RPL22: variants seen among roughly 807,000 people sequenced by gnomAD.
RPL22 encodes large ribosomal subunit protein eL22.
RPL22 carries 4 observed loss-of-function variants against 16.2 expected under a neutral mutation model. That is an observed-to-expected ratio of 0.25 (90% CI 0.12 to 0.57). The LOEUF is 0.57. RPL22 is among the 20% of genes least tolerant of loss of function. RPL22 has a pLI of 0.92. For synonymous variants in RPL22, 43 were observed against 54.8 expected (o/e 0.78, Z 0.95); for missense variants, 83 against 156.1 (o/e 0.53, Z 2.49).
At chr1:6,191,544 A>G (rs1667650943) in intron 3 of RPL22, among the ~76,000 whole-genome samples, 1 of 150,618 alleles carries the variant, frequency 6.6e-6, no homozygotes, top group Non-Finnish European at 1.5e-5. Context: ...GCGCAGTGGC[A>G]GGCGCCTGTA....
At chr1:6,190,201 G>T (rs936642074) in intron 3 of RPL22, among the ~76,000 whole-genome samples, 6 of 152,198 alleles carry the variant, frequency 3.9e-5, no homozygotes, top group African/African-American at 1.2e-4. Flanking sequence ...CAGGCCGGAC[G>T]CTTTGTACCC....
intron 3 of RPL22, among the ~76,000 whole-genome samples, chr1:6,189,610 G>GT (rs999031899): frequency 3.2e-5 from 4 of 124,760 alleles, no homozygotes; most frequent in Non-Finnish European, 6.2e-5. Flanking sequence ...AAAAAATCAG[G>GT]TTAAAAAAAA....
chr1:6,189,482 C>G (rs1667621671), intron 3 of RPL22, among the ~76,000 whole-genome samples: 1 of 151,568 alleles, frequency 6.6e-6, no homozygotes, highest in Non-Finnish European at 1.5e-5. Context: ...ACTGTTTGAG[C>G]CAGGAGATGG....
chr1:6,190,083 G>C (rs560725715), intron 3 of RPL22, among the ~76,000 whole-genome samples: 197 of 152,288 alleles, frequency 1.3e-3, no homozygotes, highest in African/African-American at 4.5e-3. Flanking sequence ...ATAAAGAACA[G>C]AAAGTTTGTG....
intron 3 of RPL22, among the ~76,000 whole-genome samples, chr1:6,188,742 T>C (rs1436372871): frequency 6.6e-6 from 1 of 151,282 alleles, no homozygotes; most frequent in Non-Finnish European, 1.5e-5. Flanking sequence ...ACTAACCATC[T>C]CTTCAGACCA....
chr1:6,191,602 G>A (rs1667651925), intron 3 of RPL22, among the ~76,000 whole-genome samples: 1 of 149,022 alleles, frequency 6.7e-6, no homozygotes, highest in African/African-American at 2.5e-5. Context: ...GTGAACCCGG[G>A]AGGCAGAGCT....
chr1:6,195,801 G>A (rs964645100), intron 2 of RPL22, among the ~76,000 whole-genome samples: 100 of 151,884 alleles, frequency 6.6e-4, no homozygotes, highest in Non-Finnish European at 1.8e-4. Context: ...AGTGGCTCAT[G>A]CCTGTAATCC....
chr1:6,185,847 T>C lies in RPL22; in HGVS notation c.*825A>G, dbSNP rs1468160742. On this transcript the variant is annotated 3_prime_UTR_variant, in exon 4 of 4. Transcript: ENST00000234875. ...CAGGGCACCTCCCACCTCCTTGGCA[T>C]GGGAGGCTTCCCAGTCACTCCTCCT... The C allele has an allele frequency of 8.7e-6, 2 of 230,644 alleles. No individual in the cohort carries two copies. Among genetic ancestry groups the C allele is most frequent in the East Asian group, 6.2e-5 (1 of 16,238 alleles). 14.3% of individuals were successfully genotyped at this position (230,644 alleles called of 1,614,324 possible).
chr1:6,186,182 G>A lies in RPL22; in HGVS notation c.*490C>T. 4.2e-6 allele frequency: 1 copy of A among 236,638 alleles called. No homozygotes were observed. The highest frequency in any genetic ancestry group is 8.3e-6 in the Non-Finnish European group (1 of 120,502). The allele number at this position is 236,638 out of a possible 1,614,324, so 14.7% of individuals were successfully genotyped here. ...TAGCAGACATAATTGTGTGCGTCAA[G>A]AGAAATTTGTAATCAAAAAATGAAA... On this transcript the variant is annotated 3_prime_UTR_variant, in exon 4 of 4. Transcript: ENST00000234875.
intron 2 of RPL22, among the ~76,000 whole-genome samples, chr1:6,194,381 A>G (rs1667689531): frequency 6.6e-6 from 1 of 152,208 alleles, no homozygotes; most frequent in Admixed American, 6.5e-5. Context: ...GTCCAGGGCC[A>G]TGTGTGGTAC....
intron 2 of RPL22, among the ~76,000 whole-genome samples, chr1:6,193,880 G>A (rs375294832): frequency 6.6e-5 from 10 of 152,160 alleles, no homozygotes; most frequent in East Asian, 5.8e-4. Flanking sequence ...ACTGGGCCTC[G>A]CCACGAAAGG....
In RPL22 at chr1:6,197,715, A is replaced by G; in HGVS notation, c.54T>C (p.Val18=). 6.2e-7 allele frequency: 1 copy of G among 1,614,022 alleles called. No homozygotes were observed. The highest frequency in any genetic ancestry group is 8.5e-7 in the Non-Finnish European group (1 of 1,179,958). ...GGGTGCAATCAAGAGTGAACTTCAG[A>G]ACTTGCTTCTTTTTTTTGCCCCCCT... ...VVKGGKKKKQ[V]LKFTLDCTHP... is the part of the protein sequence containing the mutation. Residue 18 remains valine, a synonymous_variant, in exon 2 of 4, where the codon GTT becomes GTC. Transcript: ENST00000234875.
At chr1:6,187,148 AAAT>A (rs1269754525) in intron 3 of RPL22, among the ~76,000 whole-genome samples, 1 of 152,072 alleles carries the variant, frequency 6.6e-6, no homozygotes, top group Non-Finnish European at 1.5e-5. Context: ...TCTCTACTAA[AAAT>A]AAAAAAATTA....
Position 6,199,547 on chromosome 1 carries a change from C to A in RPL22, c.12+15G>T. On this transcript the variant is annotated intron_variant, in intron 1 of 3. Coordinates refer to ENST00000234875, the MANE Select transcript of RPL22 (RefSeq NM_000983.4). ...CCTCCCCTGGAGCCGAGGCCTCACG[C>A]GGAGCCATACTAACCACAGGAGCCA... is the stretch of plus-strand genomic sequence containing the variant. 1 of 1,560,480 alleles carries A rather than the reference C, an allele frequency of 6.4e-7. No homozygotes were observed. Among genetic ancestry groups the A allele is most frequent in the Non-Finnish European group, 8.7e-7 (1 of 1,152,412 alleles).
intron 2 of RPL22, 72 bp downstream of exon 2, chr1:6,197,580 C>T (rs894061132): frequency 4.1e-6 from 4 of 964,032 alleles, no homozygotes; most frequent in South Asian, 2.7e-5. Flanking sequence ...CAGAAATGTA[C>T]CCCAGTAGGT....
Position 6,186,360 on chromosome 1 carries a change from C to G in RPL22, c.*312G>C, listed in dbSNP as rs1667581732. 3.4e-6 allele frequency: 1 copy of G among 294,114 alleles called. No homozygotes were observed. Among genetic ancestry groups the G allele is most frequent in the Non-Finnish European group, 6.3e-6 (1 of 157,782 alleles). The allele number at this position is 294,114 out of a possible 1,614,324, so 18.2% of individuals were successfully genotyped here. Reference sequence around the variant, plus strand: ...AAGCAACAGATACAACTGACAGTCACACTTTTTAAAATCAAACAGTCACTA... The same window carrying G: ...AAGCAACAGATACAACTGACAGTCAGACTTTTTAAAATCAAACAGTCACTA... On this transcript the variant is annotated 3_prime_UTR_variant, in exon 4 of 4. Transcript: ENST00000234875.
Position 6,185,545 on chromosome 1 carries a change from G to A in RPL22, c.*1127C>T, listed in dbSNP as rs898354376. 5.3e-5 allele frequency: 21 copies of A among 395,114 alleles called. No homozygotes were observed. Among genetic ancestry groups the A allele is most frequent in the Non-Finnish European group, 8.5e-5 (19 of 224,110 alleles). 24.5% of individuals were successfully genotyped at this position (395,114 alleles called of 1,614,324 possible). On this transcript the variant is annotated 3_prime_UTR_variant, in exon 4 of 4. Transcript: ENST00000234875. ...CATTGAACTTCCAGCTATGCAACTC[G>A]CAGGGCACAATTTCAAGTGTGGAAA...
At chr1:6,194,089 CCAGCTACT>C (rs2100905853) in intron 2 of RPL22, among the ~76,000 whole-genome samples, 1 of 152,218 alleles carries the variant, frequency 6.6e-6, no homozygotes, top group African/African-American at 2.4e-5. Context: ...GCCTGTAGTC[CCAGCTACT>C]CAGGAGGCTG....
rs1240181168 is a variant in RPL22, at chr1:6,186,328, T to C, written c.*344A>G. 15 of 267,440 alleles carry C rather than the reference T, an allele frequency of 5.6e-5. No homozygotes were observed. Among genetic ancestry groups the C allele is most frequent in the Non-Finnish European group, 8.5e-5 (12 of 141,122 alleles). 16.6% of individuals were successfully genotyped at this position (267,440 alleles called of 1,614,324 possible). ...GAAGCCCATTTGTATCCCTGAATCA[T>C]TGAGAAAAGCAACAGATACAACTGA... On this transcript the variant is annotated 3_prime_UTR_variant, in exon 4 of 4. Transcript: ENST00000234875.
Sources: gnomAD v4.1 joint callset for allele counts (sites outside exome capture counted in the v4.1 genomes callset) on GRCh38, gnomAD v4.1.1 for gene constraint, MANE v1.5 for transcripts, NCBI Gene and HGNC (gene_info 2026-07-23, HGNC 2026-07-21) for gene names.